Variants in EPS15 observed in about 807,000 individuals in gnomAD.
The protein encoded by EPS15 is epidermal growth factor receptor substrate 15.
Under a neutral mutation model 113.8 loss-of-function variants are expected in EPS15, and 72 were observed. That is an observed-to-expected ratio of 0.63 (90% CI 0.52 to 0.77). The LOEUF is 0.77. Ranked by LOEUF, EPS15 falls within the 30% of genes least tolerant of loss-of-function variation. The pLI is 0.00. For missense variants in EPS15, 1,048 were observed against 1,045.8 expected (o/e 1.00, Z -0.03); for synonymous variants, 344 against 363.4 (o/e 0.95, Z 0.61).
At chr1:51,473,243 T>A (rs753282879) in intron 2 of EPS15, among the ~76,000 whole-genome samples, 1 of 152,184 alleles carries the variant, frequency 6.6e-6, no homozygotes, top group Non-Finnish European at 1.5e-5. Context: ...TCAACACATA[T>A]CTTCTATAGC....
intron 21 of EPS15, among the ~76,000 whole-genome samples, chr1:51,386,627 C>T: frequency 6.6e-6 from 1 of 152,124 alleles, no homozygotes; most frequent in Non-Finnish European, 1.5e-5. Flanking sequence ...CTCATCTGTA[C>T]ATCACCATCA....
chr1:51,387,078 G>C (rs1334579684), intron 21 of EPS15, among the ~76,000 whole-genome samples: 2 of 152,094 alleles, frequency 1.3e-5, no homozygotes, highest in African/African-American at 2.4e-5. Flanking sequence ...AGAAAGGTCG[G>C]GTTACCCACA....
intron 1 of EPS15, among the ~76,000 whole-genome samples, chr1:51,498,307 T>C (rs1040152898): frequency 6.6e-6 from 1 of 152,228 alleles, no homozygotes; most frequent in Non-Finnish European, 1.5e-5. Flanking sequence ...GTATCAATGT[T>C]GTATAACCAT....
rs55806131 is a variant in EPS15, at chr1:51,415,796, C to CAAA, written c.1113+5987_1113+5989dup. Among the ~76,000 whole-genome samples the CAAA allele has an allele frequency of 4.6e-3, 102 of 21,982 alleles. 3 individuals are homozygous for CAAA. The highest frequency in any genetic ancestry group is 5.6e-3 in the Non-Finnish European group (71 of 12,594). 14.4% of individuals were successfully genotyped at this position (21,982 alleles called of 152,430 possible). A position where few individuals can be genotyped will look rare whatever the true frequency, so the allele number is the denominator to read the frequency against. ...GGGCAACAAGAGCAAAACTCCGTCT[C>CAAA]AAAAAAAAAAAAAAAAAAAAAAAAA... On this transcript the variant is annotated intron_variant, in intron 13 of 24. Transcript: ENST00000371733.
intron 8 of EPS15, chr1:51,458,316 A>C (rs1006473950): frequency 2.0e-5 from 3 of 152,386 alleles, no homozygotes; most frequent in African/African-American, 7.2e-5. Flanking sequence ...TTATTAAAAA[A>C]AAAAAAGGCC....
At position 51,354,785 on chromosome 1, in the gene EPS15, A is replaced by G; in HGVS notation, c.*1915T>C. 5.2e-6 allele frequency: 1 copy of G among 193,890 alleles called. No individual in the cohort carries two copies. Among genetic ancestry groups the G allele is most frequent in the Non-Finnish European group, 1.1e-5 (1 of 92,564 alleles). 12.0% of individuals were successfully genotyped at this position (193,890 alleles called of 1,614,324 possible). A position where few individuals can be genotyped will look rare whatever the true frequency, so the allele number is the denominator to read the frequency against. ...CAAAAGATAAAAATCTATGTAATCC[A>G]GTTAAACATACATAAGATTAGGATA... is the stretch of plus-strand genomic sequence containing the variant. On this transcript the variant is annotated 3_prime_UTR_variant, in exon 25 of 25. Transcript: ENST00000371733.
chr1:51,433,057 T>A (rs759803405), intron 12 of EPS15, among the ~76,000 whole-genome samples: 3 of 152,164 alleles, frequency 2.0e-5, no homozygotes, highest in Non-Finnish European at 2.9e-5. Flanking sequence ...AACAAAAACA[T>A]AGAATTTTTA....
At chr1:51,454,862 G>T (rs1453881625) in intron 8 of EPS15, among the ~76,000 whole-genome samples, 1 of 152,018 alleles carries the variant, frequency 6.6e-6, no homozygotes, top group African/African-American at 2.4e-5. Context: ...AACAGCGAAG[G>T]GGAATGGAAA....
At chr1:51,486,815 T>G (rs1024729288) in intron 1 of EPS15, among the ~76,000 whole-genome samples, 3 of 151,712 alleles carry the variant, frequency 2.0e-5, no homozygotes, top group Non-Finnish European at 4.4e-5. Context: ...CCACCACACC[T>G]GGCTAATTTT....
At chr1:51,397,254 C>T (rs1210240548) in intron 20 of EPS15, 2 of 152,140 alleles carry the variant, frequency 1.3e-5, no homozygotes, top group Non-Finnish European at 2.9e-5. Context: ...GAGCTTGGCA[C>T]CATCCCTGGC....
At chr1:51,488,538 T>C (rs2148533150) in intron 1 of EPS15, among the ~76,000 whole-genome samples, 1 of 149,798 alleles carries the variant, frequency 6.7e-6, no homozygotes, top group Non-Finnish European at 1.5e-5. Flanking sequence ...CCCATTCTAC[T>C]ACTTCTTAGG....
chr1:51,425,359 G>C (rs1049253815), intron 12 of EPS15, among the ~76,000 whole-genome samples: 2 of 152,178 alleles, frequency 1.3e-5, no homozygotes, highest in African/African-American at 4.8e-5. Context: ...CTATGTACAG[G>C]CAGTAGGGTG....
intron 1 of EPS15, among the ~76,000 whole-genome samples, chr1:51,488,082 T>C (rs1462430356): frequency 6.6e-6 from 1 of 152,140 alleles, no homozygotes; most frequent in African/African-American, 2.4e-5. Context: ...TACTCTGCAG[T>C]CTCTGGAAAC....
chr1:51,480,648 G>T (rs1418444659), intron 2 of EPS15, among the ~76,000 whole-genome samples: 1 of 152,130 alleles, frequency 6.6e-6, no homozygotes, highest in Admixed American at 6.5e-5. Context: ...CGAGTAGGTG[G>T]GATTAGAGGC....
At chr1:51,357,410 ATATATATATATATATAT>A (rs1171045844) in intron 24 of EPS15, among the ~76,000 whole-genome samples, 5 of 58,232 alleles carry the variant, frequency 8.6e-5, no homozygotes, top group African/African-American at 3.8e-4. Flanking sequence ...ATATATATAT[ATATATATATATATATAT>A]TTTTTTTTTT....
chr1:51,402,886 C>T (rs1308102074), intron 17 of EPS15, among the ~76,000 whole-genome samples: 1 of 152,144 alleles, frequency 6.6e-6, no homozygotes, highest in African/African-American at 2.4e-5. Flanking sequence ...GGCTGGGTGA[C>T]AGAGTGAGAC....
chr1:51,469,328 A>G (rs6704235), intron 4 of EPS15, among the ~76,000 whole-genome samples: 45,476 of 152,084 alleles, frequency 0.3, 9,133 homozygotes, highest in African/African-American at 0.57. Context: ...TAATGACTGC[A>G]ATTCCAGAAA....
At chr1:51,480,754 C>T (rs527991118) in intron 2 of EPS15, among the ~76,000 whole-genome samples, 37 of 152,214 alleles carry the variant, frequency 2.4e-4, no homozygotes, top group Non-Finnish European at 3.7e-4. Context: ...TCAGGTAATC[C>T]GCCTGCCTCA....
chr1:51,379,911 A>T (rs2148378482), intron 21 of EPS15, among the ~76,000 whole-genome samples: 1 of 152,166 alleles, frequency 6.6e-6, no homozygotes. Flanking sequence ...AAGATACAAA[A>T]ATTAGTGGGG....
Sources: gnomAD v4.1 joint callset for allele counts (sites outside exome capture counted in the v4.1 genomes callset) on GRCh38, gnomAD v4.1.1 for gene constraint, MANE v1.5 for transcripts, NCBI Gene and HGNC (gene_info 2026-07-23, HGNC 2026-07-21) for gene names.